TRPV1: variants seen among roughly 807,000 people sequenced by gnomAD.
TRPV1 encodes the protein transient receptor potential cation channel subfamily V member 1, also known as OTRPC1.
In TRPV1, 82 loss-of-function variants were observed where a neutral mutation model predicts 82.3. The ratio of observed to expected loss-of-function variants is 1.00; its 90% CI spans 0.83 to 1.20. TRPV1 has a LOEUF of 1.20. Among genes scored for constraint, TRPV1 ranks in the 50% most tolerant of loss-of-function variants. TRPV1 has a pLI of 0.00. For missense variants in TRPV1, 1,067 were observed against 1,096.8 expected (o/e 0.97, Z 0.38); for synonymous variants, 515 against 467.7 (o/e 1.10, Z -1.30).
At chr17:3,568,388 GCT>G (rs1014990776) in intron 16 of TRPV1, among the ~76,000 whole-genome samples, 21 of 151,144 alleles carry the variant, frequency 1.4e-4, no homozygotes, top group Admixed American at 4.0e-4. Context: ...TCTTTCAATA[GCT>G]CTCTGGCAAA....
intron 13 of TRPV1, among the ~76,000 whole-genome samples, chr17:3,576,706 G>A (rs1226145405): frequency 9.0e-6 from 1 of 111,220 alleles, no homozygotes; most frequent in Non-Finnish European, 1.9e-5. Flanking sequence ...AAAACTAGCC[G>A]GGCATGGTCG....
intron 14 of TRPV1, among the ~76,000 whole-genome samples, chr17:3,573,117 A>C (rs981684653): frequency 1.3e-5 from 2 of 152,154 alleles, no homozygotes; most frequent in African/African-American, 4.8e-5. Flanking sequence ...CTTCTTCATA[A>C]GAACGAAACT....
At chr17:3,588,795 C>G in intron 7 of TRPV1, 1 of 993,422 alleles carries the variant, frequency 1.0e-6, no homozygotes, top group Admixed American at 2.7e-5. Context: ...GCCTGGGCAA[C>G]AAGAGCGAAA....
chr17:3,602,903 C>A lies in TRPV1; in HGVS notation c.-34+5524G>T, dbSNP rs181171552. Among the ~76,000 whole-genome samples, 709 of 152,282 alleles carry A rather than the reference C, an allele frequency of 4.7e-3. 5 individuals carry two copies. The highest frequency in any genetic ancestry group is 0.02 in the Middle Eastern group (6 of 294). On this transcript the variant is annotated intron_variant, in intron 2 of 16. Transcript: ENST00000572705. The stretch of plus-strand genomic sequence containing the variant: ...TTGGGAGGCCGAGGCGGGTGGATCG[C>A]CTGAGGTCGGGAGTTCGAGACCAGC...
intron 7 of TRPV1, 74 bp downstream of exon 7, chr17:3,589,733 G>A (rs746250570): frequency 2.8e-4 from 422 of 1,502,870 alleles, no homozygotes; most frequent in Middle Eastern, 4.0e-4. Context: ...CCAGGCTCCC[G>A]CAGTGAGTCA....
rs890742446 is a variant in TRPV1 at position 3,581,962 on chromosome 17, G to T, written c.1476+1376C>A. On this transcript the variant is annotated intron_variant, in intron 10 of 16. Transcript: ENST00000572705. Reference sequence around the variant, plus strand: ...TCCCAGCACTTTGGGAGGCCAAGGTGGGCGGATCACGAGGTCAGGAGATCG... The same window carrying T: ...TCCCAGCACTTTGGGAGGCCAAGGTTGGCGGATCACGAGGTCAGGAGATCG... 4.1e-5 allele frequency among the ~76,000 whole-genome samples: 6 copies of T among 147,856 alleles called. 1 individual carries two copies. The highest frequency in any genetic ancestry group is 4.4e-4 in the South Asian group (2 of 4,582).
chr17:3,569,984 G>GGGGT lies in TRPV1; in HGVS notation c.2347+1539_2347+1540insACCC, dbSNP rs1567656454. Among the ~76,000 whole-genome samples the GGGGT allele has an allele frequency of 1.3e-3, 184 of 136,412 alleles. 4 individuals are homozygous for GGGGT. The highest frequency in any genetic ancestry group is 3.4e-3 in the East Asian group (17 of 5,024). 89.5% of individuals were successfully genotyped at this position (136,412 alleles called of 152,430 possible). On this transcript the variant is annotated intron_variant, in intron 16 of 16. Coordinates refer to ENST00000572705, the MANE Select transcript of TRPV1 (RefSeq NM_080704.4). ...CAAGGGGTCAGGGAGGAGGGGCCAAGCGGTCAGGGAGGAGGGGCCAAGCGG... is the reference window on the plus strand; with the variant it reads ...CAAGGGGTCAGGGAGGAGGGGCCAAGGGGTCGGTCAGGGAGGAGGGGCCAAGCGG...
At chr17:3,601,031 C>G (rs958209637) in intron 2 of TRPV1, among the ~76,000 whole-genome samples, 28 of 152,052 alleles carry the variant, frequency 1.8e-4, no homozygotes, top group Non-Finnish European at 2.8e-4. Context: ...CCCCTCCCCC[C>G]AGCATAACCC....
chr17:3,604,737 C>G (rs913220127), intron 2 of TRPV1, among the ~76,000 whole-genome samples: 1 of 152,142 alleles, frequency 6.6e-6, no homozygotes, highest in Non-Finnish European at 1.5e-5. Flanking sequence ...GGAAAAGCAG[C>G]GGCTGGTGGG....
intron 1 of TRPV1, chr17:3,609,077 G>A (rs1251354791): frequency 1.3e-5 from 2 of 152,168 alleles, no homozygotes; most frequent in Non-Finnish European, 2.9e-5. Context: ...GTAGAGACGG[G>A]GTATCCCCAT....
In TRPV1 at chr17:3,591,363, A is replaced by G. The variant is rs764614915; in HGVS notation, c.285-10T>C. 4 of 1,561,362 alleles carry G rather than the reference A, an allele frequency of 2.6e-6. No homozygotes were observed. In the Admixed American group the frequency reaches 8.0e-5, roughly 31 times the overall value. ...GTCCTGGGACAGCAGCCTGTGGGCCAGAAAACACGCTCGTCTCATACCCTG... is the reference window on the plus strand; with the variant it reads ...GTCCTGGGACAGCAGCCTGTGGGCCGGAAAACACGCTCGTCTCATACCCTG... On this transcript the variant is annotated splice_polypyrimidine_tract_variant and intron_variant, in intron 3 of 16. Coordinates refer to ENST00000572705, the MANE Select transcript of TRPV1 (RefSeq NM_080704.4).
chr17:3,605,817 T>C (rs1244004520), intron 2 of TRPV1, among the ~76,000 whole-genome samples: 1 of 152,154 alleles, frequency 6.6e-6, no homozygotes. Flanking sequence ...CAGCTACTAC[T>C]GGGCGCTCAG....
At chr17:3,585,099 G>A (rs148487628) in intron 9 of TRPV1, 1 of 152,188 alleles carries the variant, frequency 6.6e-6, no homozygotes, top group Non-Finnish European at 1.5e-5. Flanking sequence ...CATCCCTGGG[G>A]ACCCCCAGGC....
chr17:3,581,971 A>ACC (rs1319886179), intron 10 of TRPV1, among the ~76,000 whole-genome samples: 1 of 148,202 alleles, frequency 6.7e-6, no homozygotes, highest in Non-Finnish European at 1.5e-5. Flanking sequence ...TGGGCGGATC[A>ACC]CGAGGTCAGG....
intron 8 of TRPV1, 142 bp from the exon 9 acceptor site, chr17:3,586,068 A>G (rs2075081794): frequency 1.1e-5 from 12 of 1,090,122 alleles, no homozygotes; most frequent in Non-Finnish European, 1.6e-5. Flanking sequence ...GGTCTGAGCC[A>G]GCCGGCAGCC....
chr17:3,576,077 C>A (rs563600439), intron 13 of TRPV1, among the ~76,000 whole-genome samples: 11 of 151,272 alleles, frequency 7.3e-5, no homozygotes, highest in Non-Finnish European at 1.5e-4. Context: ...AAAAAAATAG[C>A]CAGGTGTGGT....
At chr17:3,590,500 G>T in intron 5 of TRPV1, 108 bp from the exon 6 acceptor site, 1 of 1,487,220 alleles carries the variant, frequency 6.7e-7, no homozygotes. Context: ...AGGAGGAACT[G>T]GGCAGAAAGT....
intron 13 of TRPV1, among the ~76,000 whole-genome samples, chr17:3,576,716 G>A (rs781156376): frequency 1.4e-4 from 19 of 132,104 alleles, no homozygotes; most frequent in Non-Finnish European, 2.4e-4. Context: ...GGGCATGGTC[G>A]TGGGCGCCTG....
intron 10 of TRPV1, among the ~76,000 whole-genome samples, chr17:3,582,048 G>A (rs1356256478): frequency 6.7e-6 from 1 of 148,614 alleles, no homozygotes; most frequent in Non-Finnish European, 1.5e-5. Context: ...AAATTAGCCG[G>A]GCGTGGTGGC....
Sources: allele counts gnomAD v4.1 joint callset (sites outside exome capture counted in the v4.1 genomes callset), GRCh38; gene constraint gnomAD v4.1.1; transcripts MANE v1.5; gene names NCBI Gene and HGNC (gene_info 2026-07-23, HGNC 2026-07-21).